LINGO2: variants seen among roughly 807,000 people sequenced by gnomAD.
The protein encoded by LINGO2 is leucine rich repeat and Ig domain containing 2.
Under a neutral mutation model 30.6 loss-of-function variants are expected in LINGO2, and 14 were observed. That is an observed-to-expected ratio of 0.46 (90% CI 0.30 to 0.72). The LOEUF (loss-of-function observed/expected upper bound fraction) is 0.72. LINGO2 is among the 30% of genes least tolerant of loss of function. LINGO2 has a pLI of 0.07. For synonymous variants in LINGO2, 317 were observed against 288.5 expected, an observed-to-expected ratio of 1.10 and a Z score of -1.00; for missense variants, 729 against 751.7, an observed-to-expected ratio of 0.97 and a Z score of 0.35.
the LINGO2 span, among the ~76,000 whole-genome samples, chr9:28,908,006 A>G: frequency 6.6e-6 from 1 of 151,966 alleles, no homozygotes; most frequent in Admixed American, 6.6e-5. Flanking sequence ...TGAGGGATAT[A>G]GGTTTCCTCA....
chr9:29,120,813 C>T, the LINGO2 span, among the ~76,000 whole-genome samples: 50 of 152,232 alleles, frequency 3.3e-4, no homozygotes, highest in African/African-American at 1.1e-3. Context: ...CTTTCATTTC[C>T]TCATTCATAA....
In LINGO2 at chr9:28,047,891, AC is replaced by A. The variant is rs542748272; in HGVS notation, c.-86-35487del. On this transcript the variant is annotated intron_variant, in intron 4 of 5. Transcript: ENST00000379992. ...GGGACTAAAAATTACTTATCTGTTC[AC>A]CCCAGGGAAATTTACAGATTTAGTG... Among the ~76,000 whole-genome samples the A allele has an allele frequency of 2.3e-4, 34 of 150,936 alleles. 1 individual carries two copies. The highest frequency in any genetic ancestry group is 4.6e-4 in the Non-Finnish European group (31 of 67,892).
At chr9:28,752,005 C>G in the LINGO2 span, among the ~76,000 whole-genome samples, 1 of 151,972 alleles carries the variant, frequency 6.6e-6, no homozygotes, top group African/African-American at 2.4e-5. Flanking sequence ...AGAGTAAAAA[C>G]CATATTATAA....
At chr9:28,165,647 G>A (rs1587121627) in intron 4 of LINGO2, among the ~76,000 whole-genome samples, 2 of 152,072 alleles carry the variant, frequency 1.3e-5, no homozygotes, top group African/African-American at 4.8e-5. Flanking sequence ...CGTCATAATT[G>A]TTTTCCCTTT....
intron 4 of LINGO2, among the ~76,000 whole-genome samples, chr9:28,289,235 C>G (rs1028989021): frequency 1.3e-5 from 2 of 152,116 alleles, no homozygotes; most frequent in African/African-American, 4.8e-5. Context: ...CTAATGTAAA[C>G]TATAAAACTA....
chr9:28,478,475 T>A (rs1186582900), intron 1 of LINGO2, among the ~76,000 whole-genome samples: 1 of 152,102 alleles, frequency 6.6e-6, no homozygotes, highest in Non-Finnish European at 1.5e-5. Context: ...TCTGTATCCA[T>A]CACATAGGTT....
chr9:28,880,831 C>G, the LINGO2 span, among the ~76,000 whole-genome samples: 8 of 152,112 alleles, frequency 5.3e-5, no homozygotes, highest in South Asian at 4.1e-4. Flanking sequence ...TTGCAGCAAT[C>G]CTGCCTTGTT....
chr9:28,515,072 T>C (rs1358063577), intron 1 of LINGO2, among the ~76,000 whole-genome samples: 1 of 152,198 alleles, frequency 6.6e-6, no homozygotes, highest in Non-Finnish European at 1.5e-5. Flanking sequence ...ACAAAGCACC[T>C]GGCCATCCAA....
the LINGO2 span, among the ~76,000 whole-genome samples, chr9:29,140,856 AG>A: frequency 3.9e-4 from 59 of 152,160 alleles, no homozygotes; most frequent in African/African-American, 1.3e-3. Context: ...TGGAGGCCAA[AG>A]GTAGTAAAAT....
intron 1 of LINGO2, among the ~76,000 whole-genome samples, chr9:28,552,492 A>G (rs1375872430): frequency 6.6e-6 from 1 of 152,010 alleles, no homozygotes; most frequent in East Asian, 1.9e-4. Context: ...CCAAAAGCTT[A>G]AATATTTCCT....
At chr9:28,318,629 G>C (rs1237310094) in intron 3 of LINGO2, among the ~76,000 whole-genome samples, 1 of 152,054 alleles carries the variant, frequency 6.6e-6, no homozygotes, top group East Asian at 1.9e-4. Flanking sequence ...AGCTCCAAAG[G>C]ACAGAGAGAT....
At chr9:29,147,419 C>T in the LINGO2 span, among the ~76,000 whole-genome samples, 1 of 152,100 alleles carries the variant, frequency 6.6e-6, no homozygotes, top group East Asian at 1.9e-4. Context: ...GCTTAATTAG[C>T]ACACAAATTT....
At chr9:28,563,062 G>T (rs868532572) in intron 1 of LINGO2, among the ~76,000 whole-genome samples, 3 of 152,060 alleles carry the variant, frequency 2.0e-5, no homozygotes, top group Admixed American at 1.3e-4. Context: ...GGCCGGGCTG[G>T]TCTCAAATTC....
At chr9:28,131,663 A>G (rs1827381413) in intron 4 of LINGO2, among the ~76,000 whole-genome samples, 1 of 152,154 alleles carries the variant, frequency 6.6e-6, no homozygotes, top group Admixed American at 6.6e-5. Flanking sequence ...CTGTATGCCC[A>G]TAATAATCAG....
the LINGO2 span, among the ~76,000 whole-genome samples, chr9:29,212,549 C>A: frequency 6.6e-6 from 1 of 152,126 alleles, no homozygotes; most frequent in African/African-American, 2.4e-5. Flanking sequence ...TTCACCGGTG[C>A]CCACAGCTCT....
At chr9:28,021,837 C>T (rs1320227490) in intron 4 of LINGO2, among the ~76,000 whole-genome samples, 1 of 147,766 alleles carries the variant, frequency 6.8e-6, no homozygotes, top group Admixed American at 6.7e-5. Flanking sequence ...TTTTTTCCAT[C>T]TTTGTTTTTA....
chr9:28,769,999 G>A, the LINGO2 span, among the ~76,000 whole-genome samples: 2 of 151,920 alleles, frequency 1.3e-5, no homozygotes, highest in African/African-American at 2.4e-5. Context: ...TCAAACACAC[G>A]GTGGCATACT....
chr9:28,142,072 A>G (rs1265140487), intron 4 of LINGO2, among the ~76,000 whole-genome samples: 1 of 151,296 alleles, frequency 6.6e-6, no homozygotes, highest in Non-Finnish European at 1.5e-5. Flanking sequence ...TAGAAAGTGT[A>G]TTTGTTGCCC....
chr9:28,436,451 T>C (rs1415425270), intron 2 of LINGO2, among the ~76,000 whole-genome samples: 1 of 150,220 alleles, frequency 6.7e-6, no homozygotes, highest in African/African-American at 2.4e-5. Flanking sequence ...TATTTATTTA[T>C]TTATTTATTT....
Sources: allele counts gnomAD v4.1 joint callset (sites outside exome capture counted in the v4.1 genomes callset), GRCh38; gene constraint gnomAD v4.1.1; transcripts MANE v1.5; gene names NCBI Gene and HGNC (gene_info 2026-07-23, HGNC 2026-07-21).